CXCR5: variants seen among roughly 807,000 people sequenced by gnomAD.
CXCR5 encodes C-X-C chemokine receptor type 5.
Under a neutral mutation model 5.6 loss-of-function variants are expected in CXCR5, and 3 were observed. The ratio of observed to expected loss-of-function variants is 0.54; its 90% CI spans 0.24 to 1.39. The LOEUF (loss-of-function observed/expected upper bound fraction) is 1.39. Among genes scored for constraint, CXCR5 ranks in the 40% most tolerant of loss-of-function variants. The probability of loss-of-function intolerance (pLI) is 0.16; values close to 1 mark genes in which losing one functional copy is unlikely to be tolerated. For missense variants in CXCR5, 333 were observed against 494.6 expected, an observed-to-expected ratio of 0.67 and a Z score of 3.10; for synonymous variants, 218 against 219.9, an observed-to-expected ratio of 0.99 and a Z score of 0.08.
Position 118,893,966 on chromosome 11 carries a change from C to T in CXCR5, c.422C>T (p.Ala141Val), listed in dbSNP as rs1286625757. Residue 141 changes from alanine to valine, a missense_variant, in exon 2 of 2, where the codon GCC (alanine) becomes GTC (valine). Ala to Val is a moderately conservative substitution (Grantham distance 64). Transcript: ENST00000292174. This position sits in a 1 kb window ranked among gnomAD's most constrained non-coding sequence, Gnocchi z 5.7. ...VNFYCSSLLL[A>V]CIAVDRYLAI... ...TTCTACTGCAGCAGCCTGCTCCTGGCCTGCATCGCCGTGGACCGCTACCTG... is the reference window on the plus strand; with the variant it reads ...TTCTACTGCAGCAGCCTGCTCCTGGTCTGCATCGCCGTGGACCGCTACCTG... 3 of 1,613,826 alleles carry T rather than the reference C, an allele frequency of 1.9e-6. No individual in the cohort carries two copies. In the South Asian group the frequency reaches 3.3e-5, roughly 18 times the overall value.
At chr11:118,892,004 G>A (rs1053458371) in intron 1 of CXCR5, among the ~76,000 whole-genome samples, 2 of 152,122 alleles carry the variant, frequency 1.3e-5, no homozygotes, top group African/African-American at 4.8e-5. Context: ...TGGGATTTGT[G>A]TTTTAGAAAA....
At chr11:118,886,703 C>T (rs768282978) in intron 1 of CXCR5, 90 of 268,256 alleles carry the variant, frequency 3.4e-4, no homozygotes, top group Admixed American at 1.1e-3. Flanking sequence ...TGGGCTGGGG[C>T]ATCCACAGAG....
chr11:118,894,436 G>A lies in CXCR5; in HGVS notation c.892G>A (p.Gly298Ser). The A allele has an allele frequency of 6.2e-7, 1 of 1,614,180 alleles. No individual in the cohort carries two copies. Among genetic ancestry groups the A allele is most frequent in the Non-Finnish European group, 8.5e-7 (1 of 1,180,028 alleles). The change falls in exon 2 of 2, where the codon GGC (glycine) becomes AGC (serine). Residue 298 changes from glycine to serine, a missense_variant. By Grantham distance (56) the Gly-to-Ser change is moderately conservative (BLOSUM62 0). Coordinates refer to ENST00000292174, the MANE Select transcript of CXCR5 (RefSeq NM_001716.5). This position sits in a 1 kb window ranked among gnomAD's most constrained non-coding sequence, Gnocchi z 6.1. ...KAVDNTCKLNGSLPVAITMCE... is the reference protein window; with the variant it reads ...KAVDNTCKLNSSLPVAITMCE... ...CGTGGACAATACCTGCAAGCTGAAT[G>A]GCTCTCTCCCCGTGGCCATCACCAT...
Position 118,894,578 on chromosome 11 carries a change from C to T in CXCR5, c.1034C>T (p.Pro345Leu). ...RLLTKLGCTG[P>L]ASLCQLFPSW... ...CTGACGAAGCTGGGCTGTACCGGCC[C>T]TGCCTCCCTGTGCCAGCTCTTCCCT... The change falls in exon 2 of 2, where the codon CCT becomes CTT. Residue 345 changes from proline (P) to leucine (L), a missense_variant. Pro to Leu is a moderately conservative substitution (Grantham distance 98). Transcript: ENST00000292174. The surrounding 1 kb of genome is among the most constrained non-coding windows in gnomAD (Gnocchi z 6.1). 1 of 1,536,712 alleles carries T rather than the reference C, an allele frequency of 6.5e-7. No homozygotes were observed. Among genetic ancestry groups the T allele is most frequent in the Non-Finnish European group, 8.8e-7 (1 of 1,140,984 alleles).
chr11:118,885,360 C>T (rs1226136063), intron 1 of CXCR5, among the ~76,000 whole-genome samples: 1 of 152,220 alleles, frequency 6.6e-6, no homozygotes, highest in Non-Finnish European at 1.5e-5. Context: ...AAGAAGGCAA[C>T]AGCAGAGCAC....
intron 1 of CXCR5, chr11:118,887,247 A>G: frequency 1.0e-6 from 1 of 985,444 alleles, no homozygotes; most frequent in Non-Finnish European, 1.2e-6. Context: ...GTGGCCGCAT[A>G]TGTGGACCTA....
rs747757443 is a variant in CXCR5, at chr11:118,893,573, C to T, written c.52-23C>T. 1.9e-6 allele frequency: 3 copies of T among 1,548,998 alleles called. No homozygotes were observed. Among genetic ancestry groups the T allele is most frequent in the Non-Finnish European group, 2.6e-6 (3 of 1,144,276 alleles). On this transcript the variant is annotated intron_variant, in intron 1 of 1. Transcript: ENST00000292174. The surrounding 1 kb of genome is among the most constrained non-coding windows in gnomAD (Gnocchi z 5.7). Reference sequence around the variant, plus strand: ...AAAGACAGGTCCTTAGGTCCTCACCCTCCCGTCTCCTTGCCCTTGCAGTTC... The same window carrying T: ...AAAGACAGGTCCTTAGGTCCTCACCTTCCCGTCTCCTTGCCCTTGCAGTTC...
chr11:118,889,727 T>TC (rs1396158495), intron 1 of CXCR5, among the ~76,000 whole-genome samples: 1 of 152,126 alleles, frequency 6.6e-6, no homozygotes, highest in African/African-American at 2.4e-5. Context: ...TCTTACCCTC[T>TC]CTGAACGCTG....
intron 1 of CXCR5, among the ~76,000 whole-genome samples, chr11:118,884,927 C>A (rs960064666): frequency 4.6e-5 from 7 of 152,160 alleles, no homozygotes; most frequent in Non-Finnish European, 1.0e-4. Flanking sequence ...ACTGTCTTTT[C>A]TCCCCCTGGA....
intron 1 of CXCR5, among the ~76,000 whole-genome samples, chr11:118,891,594 T>C (rs2137657352): frequency 6.6e-6 from 1 of 152,072 alleles, no homozygotes; most frequent in South Asian, 2.1e-4. Context: ...TGAGGCCAGG[T>C]ATGGTAGCTC....
chr11:118,886,479 TG>T (rs1314092493), intron 1 of CXCR5: 43 of 245,338 alleles, frequency 1.8e-4, no homozygotes, highest in African/African-American at 8.9e-4. Flanking sequence ...AGGCAGGGGC[TG>T]GGGGGTGGGG....
chr11:118,894,136 T>A lies in CXCR5; in HGVS notation c.592T>A (p.Ser198Thr). ...AGTCAGCCAAGGCCATCACAACAAC[T>A]CCCTGCCACGTTGCACCTTCTCCCA... is the stretch of plus-strand genomic sequence containing the variant. ...AKVSQGHHNN[S>T]LPRCTFSQEN... Residue 198 changes from serine (S) to threonine (T), a missense_variant, in exon 2 of 2, where the codon TCC becomes ACC. Transcript: ENST00000292174. The surrounding 1 kb of genome is among the most constrained non-coding windows in gnomAD (Gnocchi z 6.1). The A allele has an allele frequency of 4.3e-6, 7 of 1,613,776 alleles. No individual in the cohort carries two copies. The highest frequency in any genetic ancestry group is 5.9e-6 in the Non-Finnish European group (7 of 1,179,982).
chr11:118,886,822 AC>A (rs1484060207), intron 1 of CXCR5: 1 of 172,434 alleles, frequency 5.8e-6, no homozygotes, highest in African/African-American at 2.4e-5. Flanking sequence ...GCTTTCTATG[AC>A]CCCTCTCCAT....
chr11:118,883,915 G>A lies in CXCR5; in HGVS notation c.-27G>A. 2 of 1,607,682 alleles carry A rather than the reference G, an allele frequency of 1.2e-6. No homozygotes were observed. Among genetic ancestry groups the A allele is most frequent in the Non-Finnish European group, 1.7e-6 (2 of 1,176,882 alleles). On this transcript the variant is annotated 5_prime_UTR_variant, in exon 1 of 2. Coordinates refer to ENST00000292174, the MANE Select transcript of CXCR5 (RefSeq NM_001716.5). ...GCCTCTCAACATAAGACAGTGACCA[G>A]TCTGGTGACTCACAGCCGGCACAGC... is the stretch of plus-strand genomic sequence containing the variant.
intron 1 of CXCR5, among the ~76,000 whole-genome samples, chr11:118,892,310 G>T (rs1168362344): frequency 6.6e-6 from 1 of 152,198 alleles, no homozygotes; most frequent in Non-Finnish European, 1.5e-5. Context: ...TGTGGCTCCT[G>T]AGAGGCAAGA....
intron 1 of CXCR5, chr11:118,887,094 C>A: frequency 3.7e-6 from 1 of 270,624 alleles, no homozygotes. Flanking sequence ...GGGAGAGCCC[C>A]AAGGCCAAGC....
chr11:118,887,903 T>C (rs914459470), intron 1 of CXCR5, among the ~76,000 whole-genome samples: 3 of 152,202 alleles, frequency 2.0e-5, no homozygotes, highest in Non-Finnish European at 4.4e-5. Context: ...GCGGCCAGCA[T>C]GACTCAGGCC....
intron 1 of CXCR5, chr11:118,887,244 C>T: frequency 1.0e-5 from 10 of 985,442 alleles, no homozygotes; most frequent in Non-Finnish European, 1.2e-5. Flanking sequence ...ACAGTGGCCG[C>T]ATATGTGGAC....
chr11:118,892,673 G>T (rs868557943), intron 1 of CXCR5, among the ~76,000 whole-genome samples: 3 of 147,960 alleles, frequency 2.0e-5, no homozygotes, highest in Admixed American at 6.6e-5. Flanking sequence ...GTGATGGGGG[G>T]GGGGTGATGG....
Sources: gnomAD v4.1 joint callset for allele counts (sites outside exome capture counted in the v4.1 genomes callset) on GRCh38, gnomAD v4.1.1 for gene constraint, Gnocchi (gnomAD v3.1) non-coding constraint, MANE v1.5 for transcripts, NCBI Gene and HGNC (gene_info 2026-07-23, HGNC 2026-07-21) for gene names.